The following SUSD6 variants were observed in gnomAD, a reference collection of about 807,000 sequenced individuals.
SUSD6 encodes sushi domain-containing protein 6.
SUSD6 carries 16 observed loss-of-function variants against 28.4 expected under a neutral mutation model. The ratio of observed to expected loss-of-function variants is 0.56; its 90% CI spans 0.38 to 0.86. The LOEUF is 0.86. Ranked by LOEUF, SUSD6 falls within the 40% of genes least tolerant of loss-of-function variation. The pLI is 0.00. For synonymous variants in SUSD6, 147 were observed against 159.6 expected, an observed-to-expected ratio of 0.92 and a Z score of 0.59; for missense variants, 341 against 384.2, an observed-to-expected ratio of 0.89 and a Z score of 0.94.
At chr14:69,659,514 T>A (rs1039098556) in intron 2 of SUSD6, among the ~76,000 whole-genome samples, 3 of 149,124 alleles carry the variant, frequency 2.0e-5, no homozygotes, top group Non-Finnish European at 4.4e-5. Context: ...TTTTTGTTTG[T>A]TTGTTTGTTT....
At chr14:69,642,513 C>T (rs1274048564) in intron 1 of SUSD6, among the ~76,000 whole-genome samples, 1 of 152,168 alleles carries the variant, frequency 6.6e-6, no homozygotes, top group Non-Finnish European at 1.5e-5. Context: ...GCACTTCTTA[C>T]ATGGTGGCGG....
At chr14:69,625,805 A>C (rs902321327) in intron 1 of SUSD6, among the ~76,000 whole-genome samples, 2 of 152,160 alleles carry the variant, frequency 1.3e-5, no homozygotes, top group South Asian at 4.1e-4. Context: ...TGTCACATCC[A>C]GAAAATTCAG....
chr14:69,657,305 A>T (rs1309851594), intron 1 of SUSD6, among the ~76,000 whole-genome samples: 1 of 152,210 alleles, frequency 6.6e-6, no homozygotes, highest in Non-Finnish European at 1.5e-5. Flanking sequence ...AAATACAAAA[A>T]TTAGCTGGGT....
intron 1 of SUSD6, among the ~76,000 whole-genome samples, chr14:69,620,293 G>T (rs945845640): frequency 1.3e-5 from 2 of 152,084 alleles, no homozygotes; most frequent in Non-Finnish European, 2.9e-5. Context: ...TCCTTTACAT[G>T]TACCCTCAAG....
chr14:69,631,521 C>T (rs1885194410), intron 1 of SUSD6, among the ~76,000 whole-genome samples: 2 of 152,044 alleles, frequency 1.3e-5, no homozygotes, highest in African/African-American at 2.4e-5. Context: ...TTGCCTAAAA[C>T]GGATATAACA....
At position 69,703,550 on chromosome 14, in the gene SUSD6, G is replaced by A. The variant is rs186248654; in HGVS notation, c.277G>A (p.Glu93Lys). The change falls in exon 3 of 6, where the codon GAG becomes AAG. Residue 93 changes from glutamate (E) to lysine (K), a missense_variant. By Grantham distance (56) the Glu-to-Lys change is moderately conservative. Transcript: ENST00000342745. ...DYKYLTCKNG[E>K]WKPAMEISCR... Reference sequence around the variant, plus strand: ...CAAATACCTGACGTGTAAGAATGGCGAGTGGAAACCAGCCATGGAGATTAG... The same window carrying A: ...CAAATACCTGACGTGTAAGAATGGCAAGTGGAAACCAGCCATGGAGATTAG... The A allele has an allele frequency of 3.7e-6, 6 of 1,614,080 alleles. No individual in the cohort carries two copies. The highest frequency in any genetic ancestry group is 2.2e-5 in the South Asian group (2 of 91,086).
chr14:69,714,915 C>T lies in SUSD6; in HGVS notation c.*3936C>T, dbSNP rs1566610947. 6.6e-6 allele frequency: 1 copy of T among 152,136 alleles called. No homozygotes were observed. The highest frequency in any genetic ancestry group is 2.4e-5 in the African/African-American group (1 of 41,432). The allele number at this position is 152,136 out of a possible 1,614,324, so 9.4% of individuals were successfully genotyped here. A position where few individuals can be genotyped will look rare whatever the true frequency, so the allele number is the denominator to read the frequency against. On this transcript the variant is annotated 3_prime_UTR_variant, in exon 6 of 6. Coordinates refer to ENST00000342745, the MANE Select transcript of SUSD6 (RefSeq NM_014734.4). ...ATGGAATCCTTTGCAGAATGGTACT[C>T]ATATAATGGTTTAAAACAACACATT...
intron 1 of SUSD6, among the ~76,000 whole-genome samples, chr14:69,657,703 A>G (rs896132304): frequency 6.6e-6 from 1 of 152,232 alleles, no homozygotes; most frequent in African/African-American, 2.4e-5. Flanking sequence ...ACCATAATGT[A>G]TTGTAATGTA....
At chr14:69,622,203 C>T (rs182327675) in intron 1 of SUSD6, among the ~76,000 whole-genome samples, 7 of 152,236 alleles carry the variant, frequency 4.6e-5, no homozygotes, top group Non-Finnish European at 8.8e-5. Context: ...CTTGTTCTGT[C>T]GCCCAGGCTA....
At chr14:69,668,463 T>C (rs946936263) in intron 2 of SUSD6, among the ~76,000 whole-genome samples, 1 of 151,866 alleles carries the variant, frequency 6.6e-6, no homozygotes, top group Non-Finnish European at 1.5e-5. Flanking sequence ...GGTGAAACCC[T>C]GTCTCCACTA....
Position 69,631,229 on chromosome 14 carries a change from C to A in SUSD6, c.-81+19401C>A, listed in dbSNP as rs1885188452. Among the ~76,000 whole-genome samples the A allele has an allele frequency of 2.0e-5, 3 of 152,346 alleles. No individual in the cohort carries two copies. The South Asian group carries it at 6.2e-4, about 32-fold the overall frequency. ...TCTCAAGCCAAGTCCAAGTCCCACC[C>A]CACCTCAAGGGGGTGCATAGCTGCA... On this transcript the variant is annotated intron_variant, in intron 1 of 5. Transcript: ENST00000342745.
chr14:69,650,927 GGGAAGA>G (rs1885495427), intron 1 of SUSD6, among the ~76,000 whole-genome samples: 1 of 152,176 alleles, frequency 6.6e-6, no homozygotes, highest in African/African-American at 2.4e-5. Context: ...GATCCGTCTT[GGGAAGA>G]TGTAGGGGAA....
At chr14:69,676,818 C>G (rs1320503312) in intron 2 of SUSD6, among the ~76,000 whole-genome samples, 1 of 152,228 alleles carries the variant, frequency 6.6e-6, no homozygotes, top group Non-Finnish European at 1.5e-5. Context: ...GAACAGTTCC[C>G]CAGCCTCTCA....
chr14:69,643,861 G>T (rs1372346150), intron 1 of SUSD6, among the ~76,000 whole-genome samples: 2 of 152,166 alleles, frequency 1.3e-5, no homozygotes, highest in Non-Finnish European at 2.9e-5. Context: ...GCATACCTAG[G>T]CCCTGTGAGA....
rs1040163553 is a variant in SUSD6, at chr14:69,715,091, C to G, written c.*4112C>G. 2.6e-5 allele frequency: 4 copies of G among 151,906 alleles called. No homozygotes were observed. Among genetic ancestry groups the G allele is most frequent in the African/African-American group, 9.7e-5 (4 of 41,418 alleles). 9.4% of individuals were successfully genotyped at this position (151,906 alleles called of 1,614,324 possible). On this transcript the variant is annotated 3_prime_UTR_variant, in exon 6 of 6. Transcript: ENST00000342745. ...AAAGTTTAATTTAATTTTAATTGTTCTATGTATATAACTGCATTTCTAAAT... is the reference window on the plus strand; with the variant it reads ...AAAGTTTAATTTAATTTTAATTGTTGTATGTATATAACTGCATTTCTAAAT...
rs1396164465 is a variant in SUSD6 at position 69,713,837 on chromosome 14, T to G, written c.*2858T>G. ...TTTGTTTGTTTGTTGTTGGTGTTTGTTTTTTTTTTTTTTTTTTTGGCACAC... is the reference window on the plus strand; with the variant it reads ...TTTGTTTGTTTGTTGTTGGTGTTTGGTTTTTTTTTTTTTTTTTTGGCACAC... On this transcript the variant is annotated 3_prime_UTR_variant, in exon 6 of 6. Coordinates refer to ENST00000342745, the MANE Select transcript of SUSD6 (RefSeq NM_014734.4). 3.1e-4 allele frequency: 17 copies of G among 54,484 alleles called. No individual in the cohort carries two copies. The highest frequency in any genetic ancestry group is 1.4e-3 in the African/African-American group (12 of 8,542). The allele number at this position is 54,484 out of a possible 1,614,324, so 3.4% of individuals were successfully genotyped here. A position where few individuals can be genotyped will look rare whatever the true frequency, so the allele number is the denominator to read the frequency against.
chr14:69,626,151 G>A (rs941832869), intron 1 of SUSD6, among the ~76,000 whole-genome samples: 6 of 152,254 alleles, frequency 3.9e-5, no homozygotes, highest in South Asian at 2.1e-4. Flanking sequence ...TGCCTAGTAC[G>A]GTTTCCAGAG....
intron 1 of SUSD6, among the ~76,000 whole-genome samples, chr14:69,638,327 G>A (rs545764044): frequency 2.5e-4 from 38 of 151,992 alleles, no homozygotes; most frequent in Admixed American, 2.2e-3. Context: ...CCTCTTTCTG[G>A]CCTTGTAAGG....
At chr14:69,685,954 T>C (rs1263720156) in intron 2 of SUSD6, among the ~76,000 whole-genome samples, 1 of 152,232 alleles carries the variant, frequency 6.6e-6, no homozygotes, top group Non-Finnish European at 1.5e-5. Context: ...AGCAGCACAC[T>C]CTGAGCAGCC....
Sources: allele counts gnomAD v4.1 joint callset (sites outside exome capture counted in the v4.1 genomes callset), GRCh38; gene constraint gnomAD v4.1.1; transcripts MANE v1.5; gene names NCBI Gene and HGNC (gene_info 2026-07-23, HGNC 2026-07-21).